ESYT2: variants seen among roughly 807,000 people sequenced by gnomAD.
ESYT2 encodes the protein extended synaptotagmin 2.
A neutral mutation model predicts 107.2 loss-of-function variants in ESYT2; 54 were observed. The observed-to-expected ratio is 0.50, with a 90% CI of 0.40 to 0.63. The LOEUF is 0.63. Ranked by LOEUF, ESYT2 falls within the 30% of genes least tolerant of loss-of-function variation. ESYT2 has a pLI of 0.00. For synonymous variants in ESYT2, 491 were observed against 434.1 expected (o/e 1.13, Z -1.63); for missense variants, 1,020 against 1,094.5 (o/e 0.93, Z 0.96).
At chr7:158,796,098 T>G (rs980844710) in intron 3 of ESYT2, among the ~76,000 whole-genome samples, 3 of 152,206 alleles carry the variant, frequency 2.0e-5, no homozygotes, top group African/African-American at 7.2e-5. Flanking sequence ...GCCACATCTA[T>G]CACAACCCTG....
chr7:158,821,040 G>A lies in ESYT2; in HGVS notation c.330+8049C>T, dbSNP rs73167253. On this transcript the variant is annotated intron_variant, in intron 1 of 22. Coordinates refer to ENST00000275418, the MANE Select transcript of ESYT2 (RefSeq NM_001367773.1). ...AAATTGGACTAGTTTCTTAAAATGC[G>A]ATCCAGGAAAAAATTCACAAAAATA... Among the ~76,000 whole-genome samples the A allele has an allele frequency of 6.3e-3, 961 of 152,116 alleles. 4 individuals carry two copies. The highest frequency in any genetic ancestry group is 0.01 in the Non-Finnish European group (683 of 67,998).
chr7:158,756,937 AAAGG>A (rs1209470454), intron 13 of ESYT2, among the ~76,000 whole-genome samples: 1 of 151,782 alleles, frequency 6.6e-6, no homozygotes, highest in Non-Finnish European at 1.5e-5. Flanking sequence ...AAAAAAAAAA[AAAGG>A]AGGGGATAGA....
chr7:158,798,246 GA>G (rs1839529297), intron 2 of ESYT2, among the ~76,000 whole-genome samples, 170 bp from the exon 3 acceptor site: 1 of 152,282 alleles, frequency 6.6e-6, no homozygotes, highest in African/African-American at 2.4e-5. Flanking sequence ...AAAGTTATTA[GA>G]AAAACCAACT....
At chr7:158,778,904 G>A (rs1001270840) in intron 6 of ESYT2, among the ~76,000 whole-genome samples, 4 of 151,238 alleles carry the variant, frequency 2.6e-5, no homozygotes, top group Admixed American at 2.6e-4. Context: ...AGATTAAAAA[G>A]TATGTTTCTG....
chr7:158,808,851 G>A (rs1482687088), intron 1 of ESYT2, among the ~76,000 whole-genome samples: 1 of 148,936 alleles, frequency 6.7e-6, no homozygotes, highest in Middle Eastern at 3.2e-3. Flanking sequence ...GTGGGCACCT[G>A]TAGTCCCAGC....
At chr7:158,734,742 C>G (rs780275743) in intron 21 of ESYT2, among the ~76,000 whole-genome samples, 3 of 152,240 alleles carry the variant, frequency 2.0e-5, no homozygotes, top group Non-Finnish European at 4.4e-5. Flanking sequence ...GAGCCATGAT[C>G]GCGCCACTGG....
chr7:158,827,998 A>T (rs1840506040), intron 1 of ESYT2, among the ~76,000 whole-genome samples: 1 of 152,202 alleles, frequency 6.6e-6, no homozygotes. Context: ...TTAAAAATAA[A>T]ATAATACCAT....
intron 8 of ESYT2, 78 bp from the exon 9 acceptor site, chr7:158,764,931 C>A: frequency 1.4e-6 from 2 of 1,418,590 alleles, no homozygotes; most frequent in Admixed American, 2.0e-5. Context: ...ACGCACCTAA[C>A]CCCGTCTCGA....
At chr7:158,819,954 G>A (rs1840244948) in intron 1 of ESYT2, among the ~76,000 whole-genome samples, 1 of 152,082 alleles carries the variant, frequency 6.6e-6, no homozygotes, top group Non-Finnish European at 1.5e-5. Context: ...ACTAATTCCA[G>A]CACGCAATCA....
At chr7:158,786,382 G>C (rs538354754) in intron 6 of ESYT2, among the ~76,000 whole-genome samples, 2 of 152,140 alleles carry the variant, frequency 1.3e-5, no homozygotes, top group South Asian at 4.1e-4. Context: ...CACTAATGAA[G>C]TTCGTTTCTT....
At position 158,807,254 on chromosome 7, in the gene ESYT2, G is replaced by GAAAAA. The variant is rs372309924; in HGVS notation, c.331-8187_331-8183dup. Among the ~76,000 whole-genome samples, 25 of 117,200 alleles carry GAAAAA rather than the reference G, an allele frequency of 2.1e-4. 1 individual carries two copies. Among genetic ancestry groups the GAAAAA allele is most frequent in the African/African-American group, 4.9e-4 (15 of 30,408 alleles). 76.9% of individuals were successfully genotyped at this position (117,200 alleles called of 152,430 possible). On this transcript the variant is annotated intron_variant, in intron 1 of 22. Coordinates refer to ENST00000275418, the MANE Select transcript of ESYT2 (RefSeq NM_001367773.1). ...CGACAGAGCAAGACTCCGTCTGAAG[G>GAAAAA]AAAAAAAAAAAAAAAAAAGAATTAC...
At chr7:158,793,599 T>A (rs1333982688) in intron 4 of ESYT2, 51 bp downstream of exon 4, 10 of 1,339,232 alleles carry the variant, frequency 7.5e-6, no homozygotes, top group Admixed American at 1.7e-5. Flanking sequence ...TACAGCTAAG[T>A]GACATTACAC....
At chr7:158,790,366 C>G (rs548921047) in intron 4 of ESYT2, among the ~76,000 whole-genome samples, 18 of 152,150 alleles carry the variant, frequency 1.2e-4, no homozygotes, top group Non-Finnish European at 1.9e-4. Flanking sequence ...TCTGAGTGCA[C>G]AGTACTCACT....
Position 158,787,991 on chromosome 7 carries a change from A to C in ESYT2, c.747+13T>G. ...CAAATGGGAAAATAAAAATGAAATA[A>C]ATATTGACTTACTGGTTTCCTAAGG... On this transcript the variant is annotated intron_variant, in intron 6 of 22. Coordinates refer to ENST00000275418, the MANE Select transcript of ESYT2 (RefSeq NM_001367773.1). 1 of 1,602,550 alleles carries C rather than the reference A, an allele frequency of 6.2e-7. No individual in the cohort carries two copies. Among genetic ancestry groups the C allele is most frequent in the Non-Finnish European group, 8.5e-7 (1 of 1,169,874 alleles).
intron 1 of ESYT2, among the ~76,000 whole-genome samples, chr7:158,816,724 C>A (rs769909214): frequency 3.3e-5 from 5 of 152,170 alleles, no homozygotes; most frequent in Non-Finnish European, 5.9e-5. Flanking sequence ...ATCTACGGAG[C>A]ATTTCTTTTA....
rs777323374 is a variant in ESYT2, at chr7:158,759,542, C to T, written c.1363G>A (p.Asp455Asn). 6 of 1,612,648 alleles carry T rather than the reference C, an allele frequency of 3.7e-6. No individual in the cohort carries two copies. The highest frequency in any genetic ancestry group is 2.2e-5 in the East Asian group (1 of 44,852). ...ATCAGCAATGCAGAGGAAAGACCATCGTTGGCTTGGTCTTTGTCAGCTTTG... is the reference window on the plus strand; with the variant it reads ...ATCAGCAATGCAGAGGAAAGACCATTGTTGGCTTGGTCTTTGTCAGCTTTG... ...DIKADKDQAN[D>N]GLSSALLILY... The change falls in exon 13 of 23, where the codon GAT becomes AAT. Residue 455 changes from aspartate (D) to asparagine (N), a missense_variant. Transcript: ENST00000275418.
chr7:158,827,162 CAAA>C (rs34940580), intron 1 of ESYT2, among the ~76,000 whole-genome samples: 11 of 106,002 alleles, frequency 1.0e-4, no homozygotes, highest in Non-Finnish European at 1.0e-4. Context: ...GGCTCTGTCT[CAAA>C]AAAAAAAAAA....
intron 1 of ESYT2, among the ~76,000 whole-genome samples, chr7:158,799,728 T>C (rs1839574521): frequency 6.6e-6 from 1 of 152,226 alleles, no homozygotes; most frequent in African/African-American, 2.4e-5. Flanking sequence ...TTTCCTTACA[T>C]GGCTCCTCTC....
intron 4 of ESYT2, among the ~76,000 whole-genome samples, chr7:158,792,673 T>C (rs1201768848): frequency 6.6e-6 from 1 of 151,624 alleles, no homozygotes; most frequent in African/African-American, 2.4e-5. Context: ...CAATATTGTG[T>C]TGAAGAGAAG....
Sources: allele counts gnomAD v4.1 joint callset (sites outside exome capture counted in the v4.1 genomes callset), GRCh38; gene constraint gnomAD v4.1.1; transcripts MANE v1.5; gene names NCBI Gene and HGNC (gene_info 2026-07-23, HGNC 2026-07-21).